Variants in DPEP1 observed in about 807,000 individuals in gnomAD.
DPEP1 encodes the protein beta-lactamase.
In DPEP1, 50 loss-of-function variants were observed where a neutral mutation model predicts 42.3. That is an observed-to-expected ratio of 1.18 (90% CI 0.94 to 1.50). The LOEUF (loss-of-function observed/expected upper bound fraction) is 1.50. Among genes scored for constraint, DPEP1 ranks in the 40% most tolerant of loss-of-function variants. The pLI, the probability that DPEP1 is intolerant of heterozygous loss-of-function variation, is 0.00. For synonymous variants in DPEP1, 297 were observed against 234.0 expected (o/e 1.27, Z -2.46); for missense variants, 663 against 553.0 (o/e 1.20, Z -1.99).
intron 1 of DPEP1, among the ~76,000 whole-genome samples, chr16:89,617,270 C>T (rs1431127296): frequency 4.6e-5 from 7 of 152,178 alleles, no homozygotes; most frequent in South Asian, 4.2e-4. Flanking sequence ...TGAAGACTCA[C>T]GGCTGAGCTG....
intron 1 of DPEP1, among the ~76,000 whole-genome samples, chr16:89,622,720 G>C (rs1383126648): frequency 1.3e-5 from 2 of 151,210 alleles, no homozygotes; most frequent in African/African-American, 2.4e-5. Context: ...GGAGGCGGAG[G>C]TTGCAGTGAG....
intron 5 of DPEP1, 54 bp from the exon 6 acceptor site, chr16:89,636,812 T>C: frequency 6.2e-7 from 1 of 1,608,582 alleles, no homozygotes; most frequent in South Asian, 1.1e-5. Context: ...GCTGGGCTGA[T>C]GGGAGGCCGA....
At chr16:89,634,986 CTCCTTTCCCTTCCTTCT>C (rs2059651099) in intron 2 of DPEP1, among the ~76,000 whole-genome samples, 3 of 25,518 alleles carry the variant, frequency 1.2e-4, no homozygotes, top group East Asian at 1.4e-3. Flanking sequence ...TCCCTTCCTT[CTCCTTTCCCTTCCTTCT>C]CCTTTCCCTT....
In DPEP1 at chr16:89,630,436, C is replaced by G. The variant is rs1381526706; in HGVS notation, c.26C>G (p.Pro9Arg). 1 of 1,611,144 alleles carries G rather than the reference C, an allele frequency of 6.2e-7. No individual in the cohort carries two copies. The highest frequency in any genetic ancestry group is 8.5e-7 in the Non-Finnish European group (1 of 1,179,068). MWSGWWLW[P>R]LVAVCTADFF... ...ATGTGGAGCGGATGGTGGCTGTGGCCCCTTGTGGCCGTCTGCACTGCAGAC... is the reference window on the plus strand; with the variant it reads ...ATGTGGAGCGGATGGTGGCTGTGGCGCCTTGTGGCCGTCTGCACTGCAGAC... The change falls in exon 2 of 11, where the codon CCC becomes CGC. Residue 9 changes from proline (P) to arginine (R), a missense_variant. Pro to Arg is a moderately radical substitution (Grantham distance 103). Coordinates refer to ENST00000690203, the MANE Select transcript of DPEP1 (RefSeq NM_001389466.1).
At chr16:89,615,791 C>A (rs1009161054) in intron 1 of DPEP1, among the ~76,000 whole-genome samples, 1 of 152,170 alleles carries the variant, frequency 6.6e-6, no homozygotes, top group Non-Finnish European at 1.5e-5. Flanking sequence ...GCGGTCAACA[C>A]GGGGGCCCCG....
intron 1 of DPEP1, among the ~76,000 whole-genome samples, chr16:89,630,044 C>G (rs1171634327): frequency 1.3e-5 from 2 of 152,166 alleles, no homozygotes; most frequent in African/African-American, 4.8e-5. Flanking sequence ...CCAACAGCCA[C>G]TCACCACTCA....
In DPEP1 at chr16:89,613,847, C is replaced by T. The variant is rs534138070; in HGVS notation, c.-107+128C>T. The T allele has an allele frequency of 1.3e-4, 22 of 164,902 alleles. No homozygotes were observed. In the South Asian group the frequency reaches 2.1e-3, roughly 16 times the overall value. The allele number at this position is 164,902 out of a possible 1,614,324, so 10.2% of individuals were successfully genotyped here. Reference sequence around the variant, plus strand: ...CAGGCGTGCGGGGCAGGGGACGCGGCGGCTTCCTGGGATTCTAGGAGGCTG... The same window carrying T: ...CAGGCGTGCGGGGCAGGGGACGCGGTGGCTTCCTGGGATTCTAGGAGGCTG... On this transcript the variant is annotated intron_variant, in intron 1 of 10. Coordinates refer to ENST00000690203, the MANE Select transcript of DPEP1 (RefSeq NM_001389466.1).
chr16:89,636,841 G>T, intron 5 of DPEP1, 25 bp from the exon 6 acceptor site: 1 of 1,612,026 alleles, frequency 6.2e-7, no homozygotes, highest in South Asian at 1.1e-5. Context: ...CTCACCTCTT[G>T]GGCACCTGCC....
intron 1 of DPEP1, among the ~76,000 whole-genome samples, chr16:89,625,809 G>C (rs552467409): frequency 1.3e-5 from 2 of 152,284 alleles, no homozygotes; most frequent in East Asian, 3.9e-4. Context: ...TCGTAAAGTA[G>C]GTACATCCAT....
At chr16:89,616,691 C>T (rs1021750132) in intron 1 of DPEP1, among the ~76,000 whole-genome samples, 2 of 152,040 alleles carry the variant, frequency 1.3e-5, no homozygotes, top group African/African-American at 4.8e-5. Flanking sequence ...CTTCTCCCCT[C>T]AGCACACTCC....
chr16:89,626,952 GTAAAAA>G (rs2059521320), intron 1 of DPEP1, among the ~76,000 whole-genome samples: 2 of 151,292 alleles, frequency 1.3e-5, no homozygotes, highest in African/African-American at 2.4e-5. Flanking sequence ...ACTGTCTGTA[GTAAAAA>G]TAAAAAATTA....
At chr16:89,625,619 T>A (rs927532131) in intron 1 of DPEP1, among the ~76,000 whole-genome samples, 3 of 152,040 alleles carry the variant, frequency 2.0e-5, no homozygotes, top group Non-Finnish European at 4.4e-5. Flanking sequence ...GGAGGGAGGT[T>A]GCAGAGTCCA....
intron 2 of DPEP1, among the ~76,000 whole-genome samples, chr16:89,634,782 C>A (rs2059644705): frequency 3.5e-5 from 2 of 57,058 alleles, no homozygotes; most frequent in South Asian, 1.5e-3. Flanking sequence ...CTTCCTTCTC[C>A]TTTCCCTTCC....
At chr16:89,621,890 G>A (rs1053629181) in intron 1 of DPEP1, among the ~76,000 whole-genome samples, 13 of 152,194 alleles carry the variant, frequency 8.5e-5, no homozygotes, top group Admixed American at 1.3e-4. Context: ...GGGTAGGTCC[G>A]CATTGCCTGT....
chr16:89,638,930 A>G (rs1397574999), downstream of DPEP1, among the ~76,000 whole-genome samples: 2 of 63,212 alleles, frequency 3.2e-5, no homozygotes, highest in African/African-American at 1.4e-4. Context: ...ACCCCTGCAC[A>G]CACACACATA....
chr16:89,623,556 G>C (rs1050248397), intron 1 of DPEP1, among the ~76,000 whole-genome samples: 2 of 152,204 alleles, frequency 1.3e-5, no homozygotes, highest in African/African-American at 4.8e-5. Flanking sequence ...GAAGAGAACA[G>C]AGTGTAGCTG....
intron 1 of DPEP1, among the ~76,000 whole-genome samples, chr16:89,621,724 G>A (rs76465900): frequency 6.6e-6 from 1 of 152,198 alleles, no homozygotes; most frequent in Non-Finnish European, 1.5e-5. Flanking sequence ...GCATGCACGT[G>A]TGTCTGTGTG....
intron 1 of DPEP1, among the ~76,000 whole-genome samples, chr16:89,621,799 G>A (rs1192717051): frequency 1.3e-5 from 2 of 152,198 alleles, no homozygotes; most frequent in Non-Finnish European, 2.9e-5. Context: ...GTCTGTTCTA[G>A]GTACGCGGAC....
intron 1 of DPEP1, among the ~76,000 whole-genome samples, chr16:89,614,388 C>G (rs937155003): frequency 6.6e-6 from 1 of 152,230 alleles, no homozygotes; most frequent in Non-Finnish European, 1.5e-5. Flanking sequence ...CCCGGACTTA[C>G]TCTCTGTTCT....
Sources: gnomAD v4.1 joint callset for allele counts (sites outside exome capture counted in the v4.1 genomes callset) on GRCh38, gnomAD v4.1.1 for gene constraint, MANE v1.5 for transcripts, NCBI Gene and HGNC (gene_info 2026-07-23, HGNC 2026-07-21) for gene names.